TENM3: variants seen among roughly 807,000 people sequenced by gnomAD.
TENM3 encodes the protein teneurin-3.
TENM3 carries 63 observed loss-of-function variants against 255.1 expected under a neutral mutation model. The observed-to-expected ratio is 0.25, with a 90% CI of 0.20 to 0.30. The LOEUF (loss-of-function observed/expected upper bound fraction) is 0.30, where lower values mean the gene tolerates loss of function less well. Among genes scored for constraint, TENM3 ranks in the 10% least tolerant of loss-of-function variants. TENM3 has a pLI of 1.00. For missense variants in TENM3, 2,929 were observed against 3,461.1 expected (o/e 0.85, Z 3.86); for synonymous variants, 1,306 against 1,322.3 (o/e 0.99, Z 0.27).
At chr4:181,478,951 G>A in the TENM3 span, among the ~76,000 whole-genome samples, 1 of 152,150 alleles carries the variant, frequency 6.6e-6, no homozygotes, top group African/African-American at 2.4e-5. Flanking sequence ...ATATAAATAA[G>A]TAATGCTTTG....
the TENM3 span, among the ~76,000 whole-genome samples, chr4:181,450,668 TC>T: frequency 6.6e-6 from 1 of 152,210 alleles, no homozygotes; most frequent in Non-Finnish European, 1.5e-5. Context: ...AAATTTCATT[TC>T]ATGTTTTGAC....
chr4:182,107,571 G>C, the TENM3 span, among the ~76,000 whole-genome samples: 3 of 152,250 alleles, frequency 2.0e-5, no homozygotes, highest in Non-Finnish European at 2.9e-5. Context: ...TGTCCTGCTA[G>C]TGGCATTGCC....
chr4:182,303,940 G>C (rs946783927), intron 1 of TENM3, among the ~76,000 whole-genome samples: 11 of 152,060 alleles, frequency 7.2e-5, no homozygotes, highest in African/African-American at 2.7e-4. Flanking sequence ...ATTATAATTA[G>C]AATATCCTGC....
chr4:182,294,482 T>C (rs985748799), intron 1 of TENM3, among the ~76,000 whole-genome samples: 3 of 152,116 alleles, frequency 2.0e-5, no homozygotes, highest in Non-Finnish European at 2.9e-5. Context: ...CAGCCTGGAA[T>C]TGACATGGGG....
intron 12 of TENM3, among the ~76,000 whole-genome samples, chr4:182,708,494 A>T (rs17328090): frequency 0.047 from 7,152 of 152,268 alleles, 346 homozygotes; most frequent in Non-Finnish European, 0.067. Flanking sequence ...AACTTTCACC[A>T]GTTTACTCAA....
intron 3 of TENM3, among the ~76,000 whole-genome samples, chr4:182,402,178 A>G (rs1769254624): frequency 6.6e-6 from 1 of 152,188 alleles, no homozygotes; most frequent in Admixed American, 6.5e-5. Flanking sequence ...TCTGAATTCA[A>G]TACCTGCTCA....
chr4:182,483,868 A>G (rs1002644961), intron 3 of TENM3, among the ~76,000 whole-genome samples: 1 of 152,048 alleles, frequency 6.6e-6, no homozygotes, highest in Admixed American at 6.6e-5. Context: ...AGTGCTACCC[A>G]TTCTTAACCA....
the TENM3 span, among the ~76,000 whole-genome samples, chr4:181,979,101 T>C: frequency 1.3e-3 from 3 of 2,380 alleles, no homozygotes; most frequent in Admixed American, 5.6e-3. Context: ...GCCTGACATA[T>C]ATATATATAT....
intron 24 of TENM3, among the ~76,000 whole-genome samples, chr4:182,781,406 C>A (rs1347498033): frequency 3.4e-5 from 5 of 148,106 alleles, no homozygotes; most frequent in Admixed American, 2.7e-4. Flanking sequence ...AGGGATGAAG[C>A]CCACTTGATC....
chr4:182,623,582 G>A (rs181136248), intron 4 of TENM3, among the ~76,000 whole-genome samples: 3 of 149,276 alleles, frequency 2.0e-5, no homozygotes, highest in African/African-American at 7.4e-5. Context: ...CACCCGCTGC[G>A]GCCTTCCAAA....
At chr4:181,984,573 A>G in the TENM3 span, among the ~76,000 whole-genome samples, 1 of 147,738 alleles carries the variant, frequency 6.8e-6, no homozygotes, top group Non-Finnish European at 1.5e-5. Context: ...TGTGTGTTTG[A>G]AAAAAAAAGC....
chr4:181,793,874 G>A, the TENM3 span, among the ~76,000 whole-genome samples: 1 of 152,240 alleles, frequency 6.6e-6, no homozygotes, highest in South Asian at 2.1e-4. Flanking sequence ...AGTGTTTTCA[G>A]TTCATTTGTT....
intron 3 of TENM3, among the ~76,000 whole-genome samples, chr4:182,591,322 T>TA (rs1560971756): frequency 6.6e-6 from 1 of 152,212 alleles, no homozygotes; most frequent in Non-Finnish European, 1.5e-5. Flanking sequence ...AGCATGACCC[T>TA]AAAGATACTA....
intron 25 of TENM3, among the ~76,000 whole-genome samples, chr4:182,791,560 C>T (rs1188525486): frequency 6.6e-6 from 1 of 152,170 alleles, no homozygotes; most frequent in Non-Finnish European, 1.5e-5. Flanking sequence ...CTTATTGCTC[C>T]TGAGATACAA....
intron 3 of TENM3, among the ~76,000 whole-genome samples, chr4:182,381,352 G>A (rs1406266894): frequency 6.6e-6 from 1 of 152,052 alleles, no homozygotes; most frequent in Non-Finnish European, 1.5e-5. Flanking sequence ...ATGGGATGCA[G>A]GGAAAAAAAG....
chr4:182,039,799 C>A, the TENM3 span, among the ~76,000 whole-genome samples: 324 of 148,460 alleles, frequency 2.2e-3, no homozygotes, highest in Non-Finnish European at 3.5e-3. Flanking sequence ...AATGCTTAAA[C>A]GAATAAAAAG....
the TENM3 span, among the ~76,000 whole-genome samples, chr4:181,952,402 C>T: frequency 2.6e-5 from 4 of 152,144 alleles, no homozygotes; most frequent in Non-Finnish European, 2.9e-5. Context: ...ACCTGTCTGC[C>T]GCTGGTAATT....
chr4:181,753,197 G>C, the TENM3 span, among the ~76,000 whole-genome samples: 1 of 152,122 alleles, frequency 6.6e-6, no homozygotes, highest in African/African-American at 2.4e-5. Flanking sequence ...ATCTGCACCT[G>C]GTATTCAGCA....
the TENM3 span, among the ~76,000 whole-genome samples, chr4:181,743,085 A>G: frequency 1.9e-4 from 29 of 151,788 alleles, no homozygotes; most frequent in South Asian, 5.2e-3. Context: ...ATTGTTGGAC[A>G]TTTGGGTTGG....
Sources: gnomAD v4.1 joint callset for allele counts (sites outside exome capture counted in the v4.1 genomes callset) on GRCh38, gnomAD v4.1.1 for gene constraint, MANE v1.5 for transcripts, NCBI Gene and HGNC (gene_info 2026-07-23, HGNC 2026-07-21) for gene names.